FSTL5: variants seen among roughly 807,000 people sequenced by gnomAD.
The protein encoded by FSTL5 is follistatin-related protein 5.
FSTL5 carries 62 observed loss-of-function variants against 89.1 expected under a neutral mutation model. The observed-to-expected ratio is 0.70, with a 90% CI of 0.57 to 0.86. FSTL5 has a LOEUF of 0.86. Ranked by LOEUF, FSTL5 falls within the 40% of genes least tolerant of loss-of-function variation. FSTL5 has a pLI of 0.00. For missense variants in FSTL5, 1,057 were observed against 1,001.6 expected (o/e 1.06, Z -0.75); for synonymous variants, 383 against 346.2 (o/e 1.11, Z -1.18).
intron 3 of FSTL5, among the ~76,000 whole-genome samples, chr4:161,945,335 T>A (rs374950697): frequency 6.6e-6 from 1 of 152,206 alleles, no homozygotes; most frequent in Admixed American, 6.5e-5. Context: ...AGTTGAGAAC[T>A]CTATAAATAA....
chr4:161,977,632 AAAAAAAAAAT>A (rs1356880405), intron 3 of FSTL5, among the ~76,000 whole-genome samples: 9 of 114,252 alleles, frequency 7.9e-5, no homozygotes, highest in South Asian at 2.8e-4. Context: ...AAAAAAAAAA[AAAAAAAAAAT>A]AATAATAATA....
intron 8 of FSTL5, among the ~76,000 whole-genome samples, chr4:161,574,282 C>G (rs1424100579): frequency 6.6e-6 from 1 of 151,916 alleles, no homozygotes; most frequent in Non-Finnish European, 1.5e-5. Flanking sequence ...CTGACCACAC[C>G]CAGGCAACTT....
chr4:161,404,531 TC>T (rs1378756585), intron 15 of FSTL5, among the ~76,000 whole-genome samples: 1 of 152,166 alleles, frequency 6.6e-6, no homozygotes, highest in Non-Finnish European at 1.5e-5. Context: ...ATAGGGCCAA[TC>T]CTGTGTTGGC....
intron 3 of FSTL5, among the ~76,000 whole-genome samples, chr4:161,988,029 T>C (rs1159133443): frequency 6.6e-6 from 1 of 151,410 alleles, no homozygotes; most frequent in Non-Finnish European, 1.5e-5. Context: ...ACAAATTTTA[T>C]TGTGAGAGAA....
At chr4:161,801,768 A>C (rs572996035) in intron 4 of FSTL5, among the ~76,000 whole-genome samples, 1 of 151,648 alleles carries the variant, frequency 6.6e-6, no homozygotes, top group East Asian at 1.9e-4. Context: ...TTGTCTCTAC[A>C]TAGTAGGCAT....
intron 6 of FSTL5, among the ~76,000 whole-genome samples, chr4:161,732,946 T>A (rs190304584): frequency 9.3e-4 from 141 of 152,038 alleles, no homozygotes; most frequent in African/African-American, 3.2e-3. Flanking sequence ...TCTTTTTTTT[T>A]TAAAATAACT....
chr4:161,440,354 A>C (rs1336720715), intron 15 of FSTL5, among the ~76,000 whole-genome samples: 5 of 152,032 alleles, frequency 3.3e-5, no homozygotes, highest in Non-Finnish European at 7.4e-5. Flanking sequence ...CAATGGAAGA[A>C]GAAGCATTGT....
At chr4:161,741,919 A>C (rs1193010824) in intron 6 of FSTL5, among the ~76,000 whole-genome samples, 1 of 151,996 alleles carries the variant, frequency 6.6e-6, no homozygotes, top group Non-Finnish European at 1.5e-5. Context: ...TTTAATAAGT[A>C]GGCAAGTCCA....
intron 6 of FSTL5, among the ~76,000 whole-genome samples, chr4:161,674,916 C>A (rs934757461): frequency 6.6e-6 from 1 of 152,076 alleles, no homozygotes; most frequent in Admixed American, 6.6e-5. Context: ...GGGGGCTCCA[C>A]TGGGGATGGA....
chr4:161,419,428 A>G (rs1436728511), intron 15 of FSTL5, among the ~76,000 whole-genome samples: 1 of 152,216 alleles, frequency 6.6e-6, no homozygotes, highest in East Asian at 1.9e-4. Context: ...CAGCCAATAA[A>G]GAAAGAAAAA....
At chr4:161,617,827 T>C (rs1466067206) in intron 7 of FSTL5, among the ~76,000 whole-genome samples, 1 of 152,212 alleles carries the variant, frequency 6.6e-6, no homozygotes, top group Non-Finnish European at 1.5e-5. Context: ...AAGACATGTT[T>C]AGATAAAACA....
chr4:162,042,868 T>C (rs1046119636), intron 2 of FSTL5, among the ~76,000 whole-genome samples: 8 of 144,776 alleles, frequency 5.5e-5, no homozygotes, highest in African/African-American at 2.1e-4. Context: ...ACACCGCATA[T>C]TCTCACTCAT....
intron 3 of FSTL5, among the ~76,000 whole-genome samples, chr4:161,975,844 A>C (rs1460847595): frequency 1.3e-5 from 2 of 151,222 alleles, no homozygotes; most frequent in African/African-American, 2.4e-5. Flanking sequence ...GGCTGGGCGC[A>C]GTGGCTCAAG....
intron 2 of FSTL5, among the ~76,000 whole-genome samples, chr4:162,069,853 G>A (rs1300575651): frequency 6.7e-6 from 1 of 150,164 alleles, no homozygotes; most frequent in East Asian, 2.0e-4. Flanking sequence ...AATAAACATG[G>A]GAATGCAGAT....
chr4:162,078,115 G>A (rs930690395), intron 2 of FSTL5, among the ~76,000 whole-genome samples: 2 of 151,756 alleles, frequency 1.3e-5, no homozygotes, highest in Non-Finnish European at 2.9e-5. Context: ...TGATTACATG[G>A]GTCACATTCC....
At chr4:161,908,416 C>A (rs959126554) in intron 4 of FSTL5, among the ~76,000 whole-genome samples, 7 of 152,064 alleles carry the variant, frequency 4.6e-5, no homozygotes, top group African/African-American at 1.7e-4. Flanking sequence ...AAGCATGTAG[C>A]ACTTTGAGCA....
At chr4:161,529,861 A>G (rs978916122) in intron 10 of FSTL5, among the ~76,000 whole-genome samples, 1 of 142,724 alleles carries the variant, frequency 7.0e-6, no homozygotes, top group African/African-American at 2.5e-5. Flanking sequence ...AAACAAAACA[A>G]TTATTAATCT....
chr4:161,691,003 T>C (rs966055894), intron 6 of FSTL5, among the ~76,000 whole-genome samples: 1 of 152,170 alleles, frequency 6.6e-6, no homozygotes, highest in African/African-American at 2.4e-5. Context: ...TATGGCTGCA[T>C]AGTATTCCGT....
chr4:162,059,379 T>C (rs992013036), intron 2 of FSTL5, among the ~76,000 whole-genome samples: 3 of 152,196 alleles, frequency 2.0e-5, no homozygotes, highest in Non-Finnish European at 4.4e-5. Flanking sequence ...TGTAGCTGTG[T>C]TAAAGCACTC....
Sources: gnomAD v4.1 joint callset for allele counts (sites outside exome capture counted in the v4.1 genomes callset) on GRCh38, gnomAD v4.1.1 for gene constraint, MANE v1.5 for transcripts, NCBI Gene and HGNC (gene_info 2026-07-23, HGNC 2026-07-21) for gene names.